PDE4D: variants seen among roughly 807,000 people sequenced by gnomAD.
PDE4D encodes the protein phosphodiesterase 4D, also known as 3',5'-cyclic-AMP phosphodiesterase 4D.
A neutral mutation model predicts 87.4 loss-of-function variants in PDE4D; 24 were observed. That is an observed-to-expected ratio of 0.27 (90% CI 0.20 to 0.39). The LOEUF is 0.39. Ranked by LOEUF, PDE4D falls within the 10% of genes least tolerant of loss-of-function variation. PDE4D has a pLI of 1.00. For synonymous variants in PDE4D, 384 were observed against 383.2 expected (o/e 1.00, Z -0.02); for missense variants, 714 against 1,041.0 (o/e 0.69, Z 4.32).
chr5:59,652,654 G>A (rs185438728), intron 1 of PDE4D, among the ~76,000 whole-genome samples: 30 of 152,270 alleles, frequency 2.0e-4, no homozygotes, highest in African/African-American at 7.2e-4. Flanking sequence ...TTGTTTGAGA[G>A]ATCTCAAGAC....
chr5:59,571,459 T>A (rs1385654481), intron 1 of PDE4D, among the ~76,000 whole-genome samples: 4 of 152,202 alleles, frequency 2.6e-5, no homozygotes, highest in Non-Finnish European at 4.4e-5. Context: ...TATAATGAAC[T>A]TGAATGAAGA....
At chr5:60,205,651 C>G (rs551432860) in intron 1 of PDE4D, among the ~76,000 whole-genome samples, 56 of 151,792 alleles carry the variant, frequency 3.7e-4, no homozygotes, top group Non-Finnish European at 6.5e-4. Flanking sequence ...TTTGGGAGGC[C>G]AAGGCGGGTG....
intron 2 of PDE4D, among the ~76,000 whole-genome samples, chr5:60,016,883 A>C (rs1343645783): frequency 6.6e-6 from 1 of 152,190 alleles, no homozygotes; most frequent in Admixed American, 6.5e-5. Context: ...AATGTTCTTA[A>C]TTGTATCTAG....
chr5:59,529,033 C>A, intron 1 of PDE4D: 1 of 469,068 alleles, frequency 2.1e-6, no homozygotes. Context: ...ACTCTAACCA[C>A]CAAGGGCTCA....
upstream of PDE4D, among the ~76,000 whole-genome samples, chr5:60,492,830 A>G (rs979047768): frequency 5.3e-5 from 8 of 151,998 alleles, no homozygotes; most frequent in Admixed American, 5.2e-4. Context: ...AACATGGCAC[A>G]TGTATGCCTA....
intron 1 of PDE4D, among the ~76,000 whole-genome samples, chr5:60,218,297 C>T (rs1744105484): frequency 6.6e-6 from 1 of 151,820 alleles, no homozygotes; most frequent in African/African-American, 2.4e-5. Flanking sequence ...AGAACAAGAA[C>T]AGGCAAAATC....
intron 3 of PDE4D, among the ~76,000 whole-genome samples, chr5:59,918,007 A>G (rs1255749175): frequency 6.6e-6 from 1 of 152,052 alleles, no homozygotes; most frequent in African/African-American, 2.4e-5. Context: ...AGTTGCTAAA[A>G]CTAGTGACCT....
intron 1 of PDE4D, among the ~76,000 whole-genome samples, chr5:59,886,255 A>G (rs1750128635): frequency 6.6e-6 from 1 of 152,216 alleles, no homozygotes; most frequent in African/African-American, 2.4e-5. Context: ...AAAGCCCAGA[A>G]AAGAAAAATA....
chr5:59,321,979 A>C (rs956867462), intron 1 of PDE4D, among the ~76,000 whole-genome samples: 1 of 152,174 alleles, frequency 6.6e-6, no homozygotes, highest in African/African-American at 2.4e-5. Context: ...AGGAATAAAA[A>C]AATGGCTAAA....
chr5:59,394,316 A>G (rs1009511674), intron 1 of PDE4D, among the ~76,000 whole-genome samples: 7 of 152,190 alleles, frequency 4.6e-5, no homozygotes, highest in African/African-American at 9.6e-5. Context: ...AAATTGGCAA[A>G]TCTCTATACA....
chr5:60,347,722 C>T (rs1265910329), intron 1 of PDE4D, among the ~76,000 whole-genome samples: 3 of 152,116 alleles, frequency 2.0e-5, no homozygotes, highest in Non-Finnish European at 4.4e-5. Context: ...GCTGCTATCC[C>T]GATAGCTTCA....
intron 1 of PDE4D, among the ~76,000 whole-genome samples, chr5:59,475,652 T>G (rs190869181): frequency 6.6e-6 from 1 of 152,196 alleles, no homozygotes; most frequent in Non-Finnish European, 1.5e-5. Flanking sequence ...AGGTCCATTC[T>G]TGTCTCCCAG....
At chr5:58,992,679 A>C (rs1162660616) in intron 7 of PDE4D, among the ~76,000 whole-genome samples, 1 of 152,188 alleles carries the variant, frequency 6.6e-6, no homozygotes, top group East Asian at 1.9e-4. Flanking sequence ...AAAAGACCTA[A>C]GATATCTTCT....
At chr5:59,709,993 G>C (rs544392238) in intron 1 of PDE4D, among the ~76,000 whole-genome samples, 33 of 152,258 alleles carry the variant, frequency 2.2e-4, no homozygotes, top group African/African-American at 7.7e-4. Context: ...ATGGTATTGA[G>C]AGCTTTGGGG....
At chr5:60,031,501 G>A (rs949357078) in intron 2 of PDE4D, among the ~76,000 whole-genome samples, 20 of 152,192 alleles carry the variant, frequency 1.3e-4, no homozygotes, top group South Asian at 4.1e-4. Context: ...AACAGCAGCG[G>A]GGAGGAGCCT....
chr5:59,491,335 A>G (rs1320139879), intron 1 of PDE4D, among the ~76,000 whole-genome samples: 1 of 152,148 alleles, frequency 6.6e-6, no homozygotes, highest in African/African-American at 2.4e-5. Context: ...GTAACTCTCA[A>G]TTTTTAGCTC....
intron 3 of PDE4D, among the ~76,000 whole-genome samples, chr5:59,911,004 C>G (rs768665498): frequency 3.3e-5 from 5 of 152,224 alleles, no homozygotes; most frequent in Non-Finnish European, 2.9e-5. Flanking sequence ...TTCCATCTTG[C>G]TTTTAACCTC....
intron 1 of PDE4D, among the ~76,000 whole-genome samples, chr5:59,823,352 T>C (rs1051297331): frequency 3.9e-5 from 6 of 152,308 alleles, no homozygotes; most frequent in African/African-American, 9.6e-5. Flanking sequence ...TCTTTTTTTT[T>C]CCATTCTTTG....
chr5:59,555,833 TCTC>T (rs1290667359), intron 1 of PDE4D, among the ~76,000 whole-genome samples: 17 of 152,166 alleles, frequency 1.1e-4, no homozygotes, highest in African/African-American at 3.4e-4. Flanking sequence ...AATCCTCACT[TCTC>T]CTACAAAAGG....
Sources: gnomAD v4.1 joint callset for allele counts (sites outside exome capture counted in the v4.1 genomes callset) on GRCh38, gnomAD v4.1.1 for gene constraint, MANE v1.5 for transcripts, NCBI Gene and HGNC (gene_info 2026-07-23, HGNC 2026-07-21) for gene names.